HEXD: variants seen among roughly 807,000 people sequenced by gnomAD.
HEXD encodes the protein hexosaminidase D.
In HEXD, 47 loss-of-function variants were observed where a neutral mutation model predicts 54.2. The observed-to-expected ratio is 0.87, with a 90% confidence interval of 0.69 to 1.11. The LOEUF is 1.11. Among genes scored for constraint, HEXD ranks in the 50% least tolerant of loss-of-function variants. The pLI, the probability that HEXD is intolerant of heterozygous loss-of-function variation, is 0.00. For synonymous variants in HEXD, 293 were observed against 287.6 expected, an observed-to-expected ratio of 1.02 and a Z score of -0.19; for missense variants, 576 against 649.2, an observed-to-expected ratio of 0.89 and a Z score of 1.23.
chr17:82,437,088 G>C, intron 7 of HEXD, 80 bp from the exon 8 acceptor site: 1 of 1,294,412 alleles, frequency 7.7e-7, no homozygotes, highest in Non-Finnish European at 1.1e-6. Context: ...GTTGGCTCTG[G>C]GTACAGCCCC....
intron 8 of HEXD, chr17:82,439,345 C>T (rs2053861086): frequency 7.5e-6 from 6 of 797,522 alleles, no homozygotes; most frequent in South Asian, 1.1e-4. Context: ...GACCGGCCAC[C>T]CACCCAAGGT....
intron 11 of HEXD, 134 bp downstream of exon 11, chr17:82,441,400 G>C: frequency 9.6e-7 from 1 of 1,046,002 alleles, no homozygotes; most frequent in Non-Finnish European, 1.4e-6. Context: ...GCATGGGGCA[G>C]GTGCGGGTGA....
chr17:82,433,124 A>AT (rs1464263689), intron 4 of HEXD, among the ~76,000 whole-genome samples: 15 of 16,040 alleles, frequency 9.4e-4, no homozygotes, highest in South Asian at 2.8e-3. Context: ...ATATATATAT[A>AT]TATATTTTTT....
In HEXD at chr17:82,429,378, C is replaced by T. The variant is rs573345567; in HGVS notation, c.282+733C>T. On this transcript the variant is annotated intron_variant, in intron 4 of 12. Transcript: ENST00000327949. ...GTTCCATTTATTTCTCTAACAGATA[C>T]ACCATTCTGGCTTCTATTTCCACAC... Among the ~76,000 whole-genome samples, 26 of 152,232 alleles carry T rather than the reference C, an allele frequency of 1.7e-4. No homozygotes were observed. The South Asian group carries it at 5.4e-3, about 32-fold the overall frequency.
chr17:82,433,091 A>AT (rs1555617648), intron 4 of HEXD, among the ~76,000 whole-genome samples: 75 of 13,226 alleles, frequency 5.7e-3, no homozygotes, highest in South Asian at 0.01. Context: ...AAAAAAAAAA[A>AT]ATATATATAT....
intron 4 of HEXD, among the ~76,000 whole-genome samples, chr17:82,433,128 A>ATATAT (rs71168109): frequency 1.7e-3 from 22 of 13,060 alleles, no homozygotes; most frequent in Non-Finnish European, 2.0e-3. Context: ...ATATATATAT[A>ATATAT]TTTTTTTTTT....
chr17:82,431,540 G>C (rs958806080), intron 4 of HEXD, among the ~76,000 whole-genome samples: 2 of 151,184 alleles, frequency 1.3e-5, no homozygotes, highest in Non-Finnish European at 2.9e-5. Context: ...TCAGCCTCCC[G>C]AGTAGCTGGG....
chr17:82,419,186 A>G (rs1350546099), intron 1 of HEXD, among the ~76,000 whole-genome samples: 1 of 152,198 alleles, frequency 6.6e-6, no homozygotes, highest in Non-Finnish European at 1.5e-5. Context: ...ATTCAGTATA[A>G]TACTACGGTC....
At chr17:82,440,244 C>T in intron 9 of HEXD, 1 of 1,288,766 alleles carries the variant, frequency 7.8e-7, no homozygotes, top group Non-Finnish European at 1.0e-6. Flanking sequence ...AAATTAGCGA[C>T]TGCGTGGTGC....
At chr17:82,424,641 T>C in intron 3 of HEXD, 138 bp downstream of exon 3, 1 of 585,504 alleles carries the variant, frequency 1.7e-6, no homozygotes, top group Non-Finnish European at 3.1e-6. Flanking sequence ...ATTCCTTTTT[T>C]GTCTTTTTAA....
intron 8 of HEXD, among the ~76,000 whole-genome samples, chr17:82,438,490 T>C (rs947959211): frequency 1.3e-5 from 2 of 152,206 alleles, no homozygotes; most frequent in Non-Finnish European, 2.9e-5. Flanking sequence ...GAGCTGGGCC[T>C]CCGTGGCATC....
chr17:82,423,080 C>T (rs187187190), intron 2 of HEXD, among the ~76,000 whole-genome samples: 3 of 152,006 alleles, frequency 2.0e-5, no homozygotes, highest in South Asian at 2.1e-4. Context: ...AAAGGAAAGG[C>T]GTTCTGACAA....
In HEXD at chr17:82,440,179, G is replaced by A. The variant is rs145083103; in HGVS notation, c.982+466G>A. Reference sequence around the variant, plus strand: ...AGGCACCGGGGAACCCCTTGGGGTCGGCAGGGGGCTTGGCCAGAGGAGCTG... The same window carrying A: ...AGGCACCGGGGAACCCCTTGGGGTCAGCAGGGGGCTTGGCCAGAGGAGCTG... On this transcript the variant is annotated intron_variant, in intron 9 of 12. Transcript: ENST00000327949. 4,073 of 1,290,710 alleles carry A rather than the reference G, an allele frequency of 3.2e-3. 17 individuals are homozygous for A. The highest frequency in any genetic ancestry group is 5.1e-3 in the Middle Eastern group (22 of 4,310). 80.0% of individuals were successfully genotyped at this position (1,290,710 alleles called of 1,614,324 possible). A position where few individuals can be genotyped will look rare whatever the true frequency, so the allele number is the denominator to read the frequency against.
chr17:82,428,812 G>A (rs2053495702), intron 4 of HEXD, among the ~76,000 whole-genome samples, 167 bp downstream of exon 4: 1 of 152,168 alleles, frequency 6.6e-6, no homozygotes, highest in African/African-American at 2.4e-5. Flanking sequence ...GTCCCTGCCT[G>A]ACTCGGCCAG....
chr17:82,431,537 C>G (rs1168814728), intron 4 of HEXD, among the ~76,000 whole-genome samples: 3 of 151,786 alleles, frequency 2.0e-5, no homozygotes, highest in Non-Finnish European at 4.4e-5. Context: ...GCTTCAGCCT[C>G]CCGAGTAGCT....
chr17:82,438,959 G>A (rs890020346), intron 8 of HEXD, among the ~76,000 whole-genome samples: 4 of 152,394 alleles, frequency 2.6e-5, no homozygotes, highest in South Asian at 2.1e-4. Flanking sequence ...GGGCTGTGGC[G>A]TCAGGCATTG....
intron 2 of HEXD, among the ~76,000 whole-genome samples, chr17:82,421,057 C>T (rs1471382741): frequency 6.6e-6 from 1 of 152,142 alleles, no homozygotes; most frequent in East Asian, 1.9e-4. Context: ...GAAACTCCAA[C>T]AGTGCTATGA....
intron 3 of HEXD, 54 bp downstream of exon 3, chr17:82,424,557 G>T (rs990149459): frequency 5.4e-6 from 7 of 1,290,386 alleles, no homozygotes; most frequent in Non-Finnish European, 6.7e-6. Flanking sequence ...GGGAAGGGGG[G>T]GTTCCGCAGG....
At chr17:82,420,084 A>G (rs559395891) in intron 2 of HEXD, 14 of 171,066 alleles carry the variant, frequency 8.2e-5, no homozygotes, top group Non-Finnish European at 1.4e-4. Flanking sequence ...GACAAAAGGG[A>G]AAAAAAAAAA....
Sources: allele counts gnomAD v4.1 joint callset (sites outside exome capture counted in the v4.1 genomes callset), GRCh38; gene constraint gnomAD v4.1.1; transcripts MANE v1.5; gene names NCBI Gene and HGNC (gene_info 2026-07-23, HGNC 2026-07-21).